The following SHCBP1L variants were observed in gnomAD, a reference collection of about 807,000 sequenced individuals.
The protein encoded by SHCBP1L is SHC binding and spindle associated 1 like.
A neutral mutation model predicts 62.5 loss-of-function variants in SHCBP1L; 67 were observed. That is an observed-to-expected ratio of 1.07 (90% CI 0.88 to 1.31). SHCBP1L has a LOEUF of 1.31. SHCBP1L is among the 40% of genes most tolerant of loss of function. The pLI, the probability that SHCBP1L is intolerant of heterozygous loss-of-function variation, is 0.00. For synonymous variants in SHCBP1L, 284 were observed against 289.4 expected (o/e 0.98, Z 0.19); for missense variants, 823 against 809.8 (o/e 1.02, Z -0.20).
intron 6 of SHCBP1L, among the ~76,000 whole-genome samples, chr1:182,914,711 C>A: frequency 6.6e-6 from 1 of 151,254 alleles, no homozygotes; most frequent in Admixed American, 6.6e-5. Flanking sequence ...GAAAGCACTG[C>A]GTAACAAAAA....
intron 1 of SHCBP1L, chr1:182,951,832 C>T (rs944851726): frequency 3.1e-5 from 8 of 261,530 alleles, no homozygotes; most frequent in Non-Finnish European, 6.2e-5. Flanking sequence ...TGCTCTATTC[C>T]GTTTTATCAG....
intron 2 of SHCBP1L, among the ~76,000 whole-genome samples, chr1:182,941,661 G>A (rs532659148): frequency 6.6e-6 from 1 of 152,240 alleles, no homozygotes; most frequent in African/African-American, 2.4e-5. Flanking sequence ...CTGACAGGGA[G>A]AGCCATGATC....
intron 5 of SHCBP1L, among the ~76,000 whole-genome samples, chr1:182,936,133 T>G (rs12096641): frequency 0.032 from 3,042 of 96,298 alleles, 109 homozygotes; most frequent in African/African-American, 0.16. Flanking sequence ...GTTTTTTGTT[T>G]TTTTTTTTTT....
At chr1:182,937,506 A>T (rs1651218011) in intron 5 of SHCBP1L, among the ~76,000 whole-genome samples, 1 of 151,872 alleles carries the variant, frequency 6.6e-6, no homozygotes, top group Non-Finnish European at 1.5e-5. Flanking sequence ...ATTCTTTGAT[A>T]TTTATCCTGT....
Position 182,929,753 on chromosome 1 carries a change from C to G in SHCBP1L, c.1077-1G>C. The stretch of plus-strand genomic sequence containing the variant: ...TCTTGGAAAGAAAGGTCCATGAACT[C>G]TATAGTTGAAAATATTTAGTTATAA... On this transcript the variant is annotated splice_acceptor_variant, in intron 5 of 9. Coordinates refer to ENST00000367547, the MANE Select transcript of SHCBP1L (RefSeq NM_030933.4). LOFTEE classifies it high-confidence loss of function. The G allele has an allele frequency of 4.5e-6, 7 of 1,552,368 alleles. No individual in the cohort carries two copies. Among genetic ancestry groups the G allele is most frequent in the Non-Finnish European group, 4.3e-6 (5 of 1,149,574 alleles).
At chr1:182,928,442 G>GA (rs1284825499) in intron 6 of SHCBP1L, among the ~76,000 whole-genome samples, 6 of 152,170 alleles carry the variant, frequency 3.9e-5, no homozygotes, top group Admixed American at 2.6e-4. Context: ...TGTCAATAGG[G>GA]AAAAATACAA....
At chr1:182,936,048 A>C (rs1482919799) in intron 5 of SHCBP1L, among the ~76,000 whole-genome samples, 3 of 151,824 alleles carry the variant, frequency 2.0e-5, no homozygotes, top group Non-Finnish European at 2.9e-5. Flanking sequence ...TTCTATTAAT[A>C]CAGAGGTTGC....
intron 6 of SHCBP1L, among the ~76,000 whole-genome samples, chr1:182,919,387 G>C (rs1650452181): frequency 6.6e-6 from 1 of 152,172 alleles, no homozygotes; most frequent in Non-Finnish European, 1.5e-5. Flanking sequence ...AAGAACAACA[G>C]AGGCAGAACC....
Position 182,908,786 on chromosome 1 carries a change from G to C in SHCBP1L, c.1183-3137C>G, listed in dbSNP as rs561311884. 2.0e-5 allele frequency among the ~76,000 whole-genome samples: 3 copies of C among 152,196 alleles called. No homozygotes were observed. In the East Asian group the frequency reaches 5.8e-4, roughly 29 times the overall value. On this transcript the variant is annotated intron_variant, in intron 6 of 9. Coordinates refer to ENST00000367547, the MANE Select transcript of SHCBP1L (RefSeq NM_030933.4). ...AGGTATAAACATTTTAAGACTCTTG[G>C]ATATACTTTGCCAAATTCCTCTCCA...
intron 6 of SHCBP1L, among the ~76,000 whole-genome samples, chr1:182,926,486 A>G (rs1350906434): frequency 2.0e-5 from 3 of 152,220 alleles, no homozygotes; most frequent in Admixed American, 2.0e-4. Context: ...AGATTTATAT[A>G]AATTATTTCA....
intron 5 of SHCBP1L, among the ~76,000 whole-genome samples, chr1:182,937,811 A>AT (rs1206654076): frequency 6.6e-6 from 1 of 152,166 alleles, no homozygotes; most frequent in Non-Finnish European, 1.5e-5. Context: ...TATCCCAGCT[A>AT]TTGATGAATT....
chr1:182,902,647 T>C (rs1006096360), intron 9 of SHCBP1L, among the ~76,000 whole-genome samples: 6 of 152,194 alleles, frequency 3.9e-5, no homozygotes, highest in Non-Finnish European at 8.8e-5. Context: ...TTTTAATTGG[T>C]TAGCTTAAAT....
intron 5 of SHCBP1L, among the ~76,000 whole-genome samples, chr1:182,935,662 T>C (rs939196012): frequency 6.6e-6 from 1 of 152,212 alleles, no homozygotes; most frequent in Non-Finnish European, 1.5e-5. Flanking sequence ...CTTGTCTTAT[T>C]GCATTATTTA....
intron 6 of SHCBP1L, among the ~76,000 whole-genome samples, chr1:182,923,974 C>T (rs933968076): frequency 7.2e-5 from 11 of 152,208 alleles, no homozygotes; most frequent in East Asian, 3.9e-4. Context: ...TGATTTTATA[C>T]CTAGAAAACC....
chr1:182,903,510 A>G (rs981630151), intron 8 of SHCBP1L, among the ~76,000 whole-genome samples: 11 of 152,188 alleles, frequency 7.2e-5, no homozygotes, highest in Non-Finnish European at 1.6e-4. Context: ...CCACTAAAGT[A>G]TATTTCTTCA....
At chr1:182,901,901 GGGC>G (rs1649850642) in intron 9 of SHCBP1L, among the ~76,000 whole-genome samples, 2 of 152,072 alleles carry the variant, frequency 1.3e-5, no homozygotes, top group Non-Finnish European at 2.9e-5. Flanking sequence ...AAAGCAGAGT[GGGC>G]CTCTGCAAGA....
At position 182,901,465 on chromosome 1, in the gene SHCBP1L, A is replaced by G. The variant is rs552143904; in HGVS notation, c.1711-1231T>C. 2.7e-3 allele frequency among the ~76,000 whole-genome samples: 406 copies of G among 152,186 alleles called. 1 individual carries two copies. The highest frequency in any genetic ancestry group is 9.5e-3 in the African/African-American group (395 of 41,512). ...AGAGCAAAACTCCATCTCAAAAAAG[A>G]AAAAAAAGAGTGCTTCAGGTGAAGG... On this transcript the variant is annotated intron_variant, in intron 9 of 9. Transcript: ENST00000367547.
chr1:182,915,585 G>T (rs1462478917), intron 6 of SHCBP1L, among the ~76,000 whole-genome samples: 1 of 151,958 alleles, frequency 6.6e-6, no homozygotes, highest in African/African-American at 2.4e-5. Flanking sequence ...AATCTAACTA[G>T]ACCTAACATA....
At chr1:182,935,616 CTTCTT>C (rs1651140719) in intron 5 of SHCBP1L, among the ~76,000 whole-genome samples, 1 of 151,962 alleles carries the variant, frequency 6.6e-6, no homozygotes. Context: ...AGATTTATTT[CTTCTT>C]TTCCAGTTTG....
Sources: allele counts gnomAD v4.1 joint callset (sites outside exome capture counted in the v4.1 genomes callset), GRCh38; gene constraint gnomAD v4.1.1; transcripts MANE v1.5; gene names NCBI Gene and HGNC (gene_info 2026-07-23, HGNC 2026-07-21).